CSNK2A2IP: variants seen among roughly 807,000 people sequenced by gnomAD.
CSNK2A2IP encodes the protein casein kinase 2 subunit alpha' interacting protein.
chr3:88,415,953 T>C, the CSNK2A2IP span, among the ~76,000 whole-genome samples: 2 of 151,952 alleles, frequency 1.3e-5, no homozygotes, highest in African/African-American at 4.8e-5. Flanking sequence ...AAAGTTAGCC[T>C]CTTTGTTCTC....
chr3:88,451,172 G>A, the CSNK2A2IP span, among the ~76,000 whole-genome samples: 1 of 152,146 alleles, frequency 6.6e-6, no homozygotes, highest in East Asian at 1.9e-4. Flanking sequence ...GATGTATTCA[G>A]TCCTAAAAAA....
chr3:88,356,022 A>G, the CSNK2A2IP span, among the ~76,000 whole-genome samples: 5 of 152,144 alleles, frequency 3.3e-5, no homozygotes, highest in African/African-American at 7.2e-5. Context: ...GCAAGTGTAC[A>G]ATGTATAATG....
chr3:88,392,006 T>C, the CSNK2A2IP span, among the ~76,000 whole-genome samples: 15 of 152,122 alleles, frequency 9.9e-5, no homozygotes, highest in African/African-American at 3.4e-4. Flanking sequence ...AGCGCTTTAA[T>C]GGAAGAAAAT....
the CSNK2A2IP span, among the ~76,000 whole-genome samples, chr3:88,439,650 GA>G: frequency 7.3e-5 from 11 of 150,408 alleles, no homozygotes; most frequent in Non-Finnish European, 1.6e-4. Flanking sequence ...GCTGAGGCAG[GA>G]GAATTGCTTG....
the CSNK2A2IP span, among the ~76,000 whole-genome samples, chr3:88,361,459 T>C: frequency 1.3e-5 from 2 of 152,312 alleles, no homozygotes; most frequent in South Asian, 4.1e-4. Flanking sequence ...GCCTGTAGGT[T>C]TTCCACTGAG....
chr3:88,429,822 A>T, the CSNK2A2IP span, among the ~76,000 whole-genome samples: 1 of 152,026 alleles, frequency 6.6e-6, no homozygotes, highest in African/African-American at 2.4e-5. Context: ...CCCTGATCTC[A>T]GCTCACTGCA....
At chr3:88,439,506 G>A in the CSNK2A2IP span, among the ~76,000 whole-genome samples, 1 of 151,970 alleles carries the variant, frequency 6.6e-6, no homozygotes, top group Non-Finnish European at 1.5e-5. Flanking sequence ...CACTTTGGGA[G>A]GCTGAGGCAG....
At chr3:88,406,084 T>C in the CSNK2A2IP span, among the ~76,000 whole-genome samples, 1 of 152,126 alleles carries the variant, frequency 6.6e-6, no homozygotes, top group East Asian at 1.9e-4. Flanking sequence ...CTAACCTCAT[T>C]GGTCAACTCT....
At chr3:88,456,061 G>A in the CSNK2A2IP span, among the ~76,000 whole-genome samples, 3 of 151,908 alleles carry the variant, frequency 2.0e-5, no homozygotes, top group East Asian at 3.8e-4. Flanking sequence ...ATTAGCTTAT[G>A]TGTCTAATTT....
At chr3:88,389,775 AT>A in the CSNK2A2IP span, among the ~76,000 whole-genome samples, 3 of 151,994 alleles carry the variant, frequency 2.0e-5, no homozygotes, top group African/African-American at 7.3e-5. Context: ...TATTACAAAA[AT>A]ACACATTGGA....
chr3:88,344,062 A>G, the CSNK2A2IP span, among the ~76,000 whole-genome samples: 1 of 151,980 alleles, frequency 6.6e-6, no homozygotes, highest in East Asian at 1.9e-4. Flanking sequence ...TTTAGTGCTA[A>G]AAACTTTGTG....
At chr3:88,380,569 C>G in the CSNK2A2IP span, among the ~76,000 whole-genome samples, 1 of 151,538 alleles carries the variant, frequency 6.6e-6, no homozygotes, top group African/African-American at 2.4e-5. Context: ...AACACTAAAA[C>G]CTATTCATAA....
chr3:88,383,655 T>TC, the CSNK2A2IP span, among the ~76,000 whole-genome samples: 1 of 107,122 alleles, frequency 9.3e-6, no homozygotes, highest in Non-Finnish European at 2.3e-5. Context: ...TTCTTTCTTT[T>TC]TTTTTTTTTT....
the CSNK2A2IP span, among the ~76,000 whole-genome samples, chr3:88,380,260 C>T: frequency 6.9e-4 from 104 of 151,594 alleles, no homozygotes; most frequent in South Asian, 1.7e-3. Flanking sequence ...TAGGCCAAAC[C>T]ACAAATACAG....
chr3:88,406,926 G>A, the CSNK2A2IP span, among the ~76,000 whole-genome samples: 1 of 152,210 alleles, frequency 6.6e-6, no homozygotes. Context: ...TCATGTGGCC[G>A]ACACGGAGGT....
At chr3:88,395,452 A>G in the CSNK2A2IP span, among the ~76,000 whole-genome samples, 7 of 152,206 alleles carry the variant, frequency 4.6e-5, no homozygotes, top group Non-Finnish European at 8.8e-5. Context: ...TAATGACCTT[A>G]CTACATTTGT....
the CSNK2A2IP span, among the ~76,000 whole-genome samples, chr3:88,446,919 T>G: frequency 6.6e-6 from 1 of 152,198 alleles, no homozygotes; most frequent in African/African-American, 2.4e-5. Flanking sequence ...TCTGGCATCT[T>G]GTAGATTTCT....
the CSNK2A2IP span, among the ~76,000 whole-genome samples, chr3:88,397,615 G>A: frequency 6.6e-6 from 1 of 151,998 alleles, no homozygotes; most frequent in Non-Finnish European, 1.5e-5. Flanking sequence ...TAATTTAATA[G>A]ACTGAGGAAG....
At chr3:88,404,699 G>T in the CSNK2A2IP span, among the ~76,000 whole-genome samples, 1 of 142,610 alleles carries the variant, frequency 7.0e-6, no homozygotes, top group Admixed American at 7.0e-5. Context: ...ATACTTATTT[G>T]CCCCTAATTC....
Sources: gnomAD v4.1 joint callset for allele counts (sites outside exome capture counted in the v4.1 genomes callset) on GRCh38, gnomAD v4.1.1 for gene constraint, MANE v1.5 for transcripts, NCBI Gene and HGNC (gene_info 2026-07-23, HGNC 2026-07-21) for gene names.